Variants in CACNA1A observed in about 807,000 individuals in gnomAD.
CACNA1A encodes calcium voltage-gated channel subunit alpha1 A.
In CACNA1A, 57 loss-of-function variants were observed where a neutral mutation model predicts 262.4. The ratio of observed to expected loss-of-function variants is 0.22; its 90% CI spans 0.18 to 0.27. CACNA1A has a LOEUF of 0.27. Ranked by LOEUF, CACNA1A falls within the 10% of genes least tolerant of loss-of-function variation. The pLI is 1.00. For missense variants in CACNA1A, 2,526 were observed against 3,562.8 expected (o/e 0.71, Z 7.41); for synonymous variants, 1,431 against 1,419.3 (o/e 1.01, Z -0.18).
chr19:13,351,093 C>A (rs987300239), intron 6 of CACNA1A, among the ~76,000 whole-genome samples: 1 of 152,126 alleles, frequency 6.6e-6, no homozygotes, highest in Non-Finnish European at 1.5e-5. Context: ...TAATCTTCAT[C>A]ATTTGGTTAA....
intron 6 of CACNA1A, among the ~76,000 whole-genome samples, chr19:13,339,121 C>A (rs1477171137): frequency 6.6e-6 from 1 of 152,100 alleles, no homozygotes; most frequent in Non-Finnish European, 1.5e-5. Flanking sequence ...GCCTTGGCCT[C>A]CCAAAGTGCT....
chr19:13,282,618 G>C (rs1199901534), intron 22 of CACNA1A, among the ~76,000 whole-genome samples: 1 of 151,656 alleles, frequency 6.6e-6, no homozygotes, highest in African/African-American at 2.4e-5. Flanking sequence ...TGTGACCCTG[G>C]ACAGGCCACT....
intron 6 of CACNA1A, among the ~76,000 whole-genome samples, chr19:13,355,814 G>A (rs1600409985): frequency 6.6e-6 from 1 of 152,278 alleles, no homozygotes; most frequent in South Asian, 2.1e-4. Flanking sequence ...CTATGGTGGG[G>A]CAGAGGTGGG....
At chr19:13,375,353 C>T (rs992523707) in intron 3 of CACNA1A, among the ~76,000 whole-genome samples, 4 of 152,050 alleles carry the variant, frequency 2.6e-5, no homozygotes, top group Non-Finnish European at 4.4e-5. Flanking sequence ...TCCTATTCCC[C>T]GAGACATAAC....
At chr19:13,235,335 T>C (rs1034283820) in intron 32 of CACNA1A, 61 bp from the exon 33 acceptor site, 11 of 1,459,644 alleles carry the variant, frequency 7.5e-6, no homozygotes, top group Non-Finnish European at 1.0e-5. Context: ...ACTGTCTTCC[T>C]CCCTTGTCCC....
chr19:13,227,293 A>G, intron 37 of CACNA1A, 138 bp downstream of exon 37: 2 of 458,490 alleles, frequency 4.4e-6, no homozygotes, highest in Non-Finnish European at 8.1e-6. Context: ...GAAAAAAAAG[A>G]ATCAAAAACA....
chr19:13,303,500 G>A (rs1299393473), intron 17 of CACNA1A, 46 bp downstream of exon 17: 3 of 1,032,514 alleles, frequency 2.9e-6, no homozygotes, highest in Non-Finnish European at 4.1e-6. Flanking sequence ...ATCTGCCATG[G>A]GCAGGTGGTA....
At position 13,207,858 on chromosome 19, in the gene CACNA1A, C is replaced by CCTGCTGCTGCTGCTGCTGCTGCTGCTG. The variant is rs16054; in HGVS notation, c.6949_6975dup (p.Gln2317_Gln2325dup). On this transcript the variant is annotated inframe_insertion, in exon 47 of 47. Coordinates refer to ENST00000360228, the MANE Select transcript of CACNA1A (RefSeq NM_001127222.2). The surrounding 1 kb of genome is among the most constrained non-coding windows in gnomAD (Gnocchi z 5.7). ...GCCGCCCGGCCCGGCCTGGCCACCG[C>CCTGCTGCTGCTGCTGCTGCTGCTGCTG]CTGCTGCTGCTGCTGCTGCTGCTGC... The CCTGCTGCTGCTGCTGCTGCTGCTGCTG allele has an allele frequency of 1.2e-5, 17 of 1,431,740 alleles. 1 individual carries two copies. Among genetic ancestry groups the CCTGCTGCTGCTGCTGCTGCTGCTGCTG allele is most frequent in the East Asian group, 1.2e-4 (4 of 34,426 alleles). 88.7% of individuals were successfully genotyped at this position (1,431,740 alleles called of 1,614,324 possible).
intron 35 of CACNA1A, 50 bp from the exon 36 acceptor site, chr19:13,230,259 A>T: frequency 1.2e-6 from 2 of 1,602,984 alleles, no homozygotes; most frequent in Non-Finnish European, 1.7e-6. Flanking sequence ...GACCGAGGGA[A>T]TGAATGAGTG....
At chr19:13,463,280 C>T (rs557297986) in intron 1 of CACNA1A, among the ~76,000 whole-genome samples, 40 of 152,254 alleles carry the variant, frequency 2.6e-4, no homozygotes, top group Admixed American at 2.0e-3. Flanking sequence ...TGCTAGTCCA[C>T]GCCCTCATAA....
chr19:13,470,074 C>T (rs569284624), intron 1 of CACNA1A, among the ~76,000 whole-genome samples: 159 of 151,982 alleles, frequency 1.0e-3, no homozygotes, highest in African/African-American at 3.7e-3. Flanking sequence ...TTTGAGAATC[C>T]CAGCATCCTA....
Position 13,376,842 on chromosome 19 carries a change from G to GAT in CACNA1A, c.540-5065_540-5064dup, listed in dbSNP as rs200437859. On this transcript the variant is annotated intron_variant, in intron 3 of 46. Coordinates refer to ENST00000360228, the MANE Select transcript of CACNA1A (RefSeq NM_001127222.2). Reference sequence around the variant, plus strand: ...GTGATATATAACACATGTTATATGTGATATATAACACATATGTTATATGTG... The same window carrying GAT: ...GTGATATATAACACATGTTATATGTGATATATATAACACATATGTTATATGTG... Among the ~76,000 whole-genome samples the GAT allele has an allele frequency of 2.6e-4, 36 of 140,194 alleles. 1 individual carries two copies. Among genetic ancestry groups the GAT allele is most frequent in the African/African-American group, 7.3e-4 (28 of 38,432 alleles). 92.0% of individuals were successfully genotyped at this position (140,194 alleles called of 152,430 possible). A position where few individuals can be genotyped will look rare whatever the true frequency, so the allele number is the denominator to read the frequency against.
At chr19:13,245,116 C>T (rs1472541251) in intron 31 of CACNA1A, 66 bp downstream of exon 31, 1 of 1,287,586 alleles carries the variant, frequency 7.8e-7, no homozygotes, top group African/African-American at 1.5e-5. Flanking sequence ...GGACCGCTCC[C>T]CCGCCCCCTG....
chr19:13,237,352 T>C (rs927355801), intron 31 of CACNA1A, among the ~76,000 whole-genome samples: 4 of 152,262 alleles, frequency 2.6e-5, no homozygotes, highest in African/African-American at 7.2e-5. Flanking sequence ...ACAGGCCACG[T>C]AGCAAGATTT....
At chr19:13,337,947 C>T (rs1006754275) in intron 6 of CACNA1A, among the ~76,000 whole-genome samples, 27 of 152,132 alleles carry the variant, frequency 1.8e-4, no homozygotes, top group Admixed American at 1.0e-3. Context: ...AGGCCGGGTG[C>T]GGTGGCTCAC....
At chr19:13,287,570 C>T (rs558434522) in intron 19 of CACNA1A, among the ~76,000 whole-genome samples, 7 of 152,124 alleles carry the variant, frequency 4.6e-5, no homozygotes, top group East Asian at 1.9e-4. Context: ...GGCGTGATCT[C>T]GGCTCACTGC....
At position 13,235,134 on chromosome 19, in the gene CACNA1A, C is replaced by G. The variant is rs986632801; in HGVS notation, c.5133+75G>C. On this transcript the variant is annotated intron_variant, in intron 33 of 46. Coordinates refer to ENST00000360228, the MANE Select transcript of CACNA1A (RefSeq NM_001127222.2). Reference sequence around the variant, plus strand: ...CATGGCTGCTTCTGTGAACCAGGCTCCTCTGACCCACCCCTTTCTAAGGGT... The same window carrying G: ...CATGGCTGCTTCTGTGAACCAGGCTGCTCTGACCCACCCCTTTCTAAGGGT... 83 of 1,562,268 alleles carry G rather than the reference C, an allele frequency of 5.3e-5. No individual in the cohort carries two copies. In the African/African-American group the frequency reaches 8.4e-4, roughly 16 times the overall value.
intron 3 of CACNA1A, among the ~76,000 whole-genome samples, chr19:13,386,269 T>G (rs75005112): frequency 1.4e-4 from 22 of 152,162 alleles, no homozygotes; most frequent in Non-Finnish European, 1.0e-4. Context: ...AGAAAATGCC[T>G]AATAGTCTCT....
chr19:13,285,879 C>T (rs2057385380), intron 20 of CACNA1A, among the ~76,000 whole-genome samples: 1 of 151,432 alleles, frequency 6.6e-6, no homozygotes, highest in African/African-American at 2.4e-5. Context: ...CTTTATCCAG[C>T]AAACTCATGA....
Sources: allele counts gnomAD v4.1 joint callset (sites outside exome capture counted in the v4.1 genomes callset), GRCh38; gene constraint gnomAD v4.1.1; non-coding constraint Gnocchi (gnomAD v3.1); transcripts MANE v1.5; gene names NCBI Gene and HGNC (gene_info 2026-07-23, HGNC 2026-07-21).